The following DIS3L2 variants were observed in gnomAD, a reference collection of about 807,000 sequenced individuals.
DIS3L2 encodes DIS3-like exonuclease 2.
DIS3L2 carries 34 observed loss-of-function variants against 97.5 expected under a neutral mutation model. The observed-to-expected ratio is 0.35, with a 90% CI of 0.27 to 0.46. The LOEUF (loss-of-function observed/expected upper bound fraction) is 0.46. Among genes scored for constraint, DIS3L2 ranks in the 20% least tolerant of loss-of-function variants. The pLI, the probability that DIS3L2 is intolerant of heterozygous loss-of-function variation, is 1.00. For missense variants in DIS3L2, 1,038 were observed against 1,146.0 expected (o/e 0.91, Z 1.36); for synonymous variants, 435 against 445.2 (o/e 0.98, Z 0.29).
chr2:232,202,410 CAG>C (rs1691917901), intron 9 of DIS3L2, among the ~76,000 whole-genome samples: 1 of 151,926 alleles, frequency 6.6e-6, no homozygotes, highest in South Asian at 2.1e-4. Flanking sequence ...AACAAACAAA[CAG>C]AAAAAAAACA....
Position 232,336,618 on chromosome 2 carries a change from A to G in DIS3L2, c.2646A>G (p.Ser882=), listed in dbSNP as rs3811578. ...EEESDGEPED[S]STS Reference sequence around the variant, plus strand: ...AGTCTGACGGTGAGCCCGAGGACTCAAGCACCAGCTGAGCTCCACCAGCCG... The same window carrying G: ...AGTCTGACGGTGAGCCCGAGGACTCGAGCACCAGCTGAGCTCCACCAGCCG... The change falls in exon 21 of 21, where the codon TCA becomes TCG. Residue 882 remains serine (S), a synonymous_variant. Transcript: ENST00000325385. The G allele has an allele frequency of 0.1, 165,388 of 1,603,266 alleles. 13,081 individuals carry two copies. Among genetic ancestry groups the G allele is most frequent in the East Asian group, 0.48 (21,349 of 44,634 alleles).
At chr2:231,981,687 A>G (rs11886665) in intron 1 of DIS3L2, among the ~76,000 whole-genome samples, 15,823 of 145,578 alleles carry the variant, frequency 0.11, 1,101 homozygotes, top group African/African-American at 0.19. Context: ...ATAAGTTAAC[A>G]TATGTTTATT....
chr2:232,189,016 A>G (rs1018020372), intron 9 of DIS3L2, among the ~76,000 whole-genome samples: 10 of 152,242 alleles, frequency 6.6e-5, no homozygotes, highest in African/African-American at 2.4e-4. Context: ...CACAATATCA[A>G]TACACATCAA....
intron 13 of DIS3L2, among the ~76,000 whole-genome samples, chr2:232,278,308 C>T (rs1352671949): frequency 2.0e-5 from 3 of 152,064 alleles, no homozygotes; most frequent in Non-Finnish European, 4.4e-5. Context: ...GCTAAAAGCA[C>T]TTTTTTCCCT....
chr2:232,138,262 G>A (rs1698415429), intron 8 of DIS3L2, among the ~76,000 whole-genome samples: 1 of 152,002 alleles, frequency 6.6e-6, no homozygotes, highest in African/African-American at 2.4e-5. Context: ...ACAACAAAAA[G>A]GGAGTCAGGT....
intron 10 of DIS3L2, among the ~76,000 whole-genome samples, chr2:232,214,375 G>A (rs1482948207): frequency 2.0e-5 from 3 of 152,158 alleles, no homozygotes; most frequent in Non-Finnish European, 4.4e-5. Flanking sequence ...TCCCTGTAAT[G>A]ATCTGAAACA....
chr2:232,050,556 G>A (rs775357334), intron 5 of DIS3L2, among the ~76,000 whole-genome samples: 6 of 151,974 alleles, frequency 3.9e-5, no homozygotes, highest in African/African-American at 1.5e-4. Flanking sequence ...GATTACAGGC[G>A]TGAGCCACTG....
chr2:232,239,488 C>T (rs1443275617), intron 11 of DIS3L2, among the ~76,000 whole-genome samples: 2 of 152,228 alleles, frequency 1.3e-5, no homozygotes, highest in Non-Finnish European at 1.5e-5. Context: ...ATCCTCTGCT[C>T]ATTTGCTCAT....
intron 11 of DIS3L2, among the ~76,000 whole-genome samples, chr2:232,247,951 G>A (rs1294064485): frequency 6.6e-6 from 1 of 152,156 alleles, no homozygotes; most frequent in Non-Finnish European, 1.5e-5. Flanking sequence ...AGCGAAGGCT[G>A]GTAGGAAAAG....
intron 1 of DIS3L2, among the ~76,000 whole-genome samples, chr2:231,992,937 A>G (rs1008364738): frequency 6.6e-6 from 1 of 151,994 alleles, no homozygotes; most frequent in African/African-American, 2.4e-5. Flanking sequence ...TCAGAGTCTC[A>G]ATCCTAGGTC....
intron 5 of DIS3L2, among the ~76,000 whole-genome samples, chr2:232,071,418 A>C (rs975454312): frequency 6.6e-6 from 1 of 151,968 alleles, no homozygotes; most frequent in African/African-American, 2.4e-5. Flanking sequence ...GCTGTTCGGG[A>C]GGCTGAGGTG....
chr2:231,999,449 C>T (rs1178661421), intron 1 of DIS3L2, among the ~76,000 whole-genome samples: 2 of 152,154 alleles, frequency 1.3e-5, no homozygotes, highest in African/African-American at 2.4e-5. Flanking sequence ...TAGACGCATC[C>T]GTATTTCTCT....
chr2:232,038,655 C>T (rs1695020431), intron 5 of DIS3L2, among the ~76,000 whole-genome samples: 1 of 152,168 alleles, frequency 6.6e-6, no homozygotes, highest in Non-Finnish European at 1.5e-5. Context: ...GTCAGCACAG[C>T]CTTTCCTGTG....
intron 14 of DIS3L2, among the ~76,000 whole-genome samples, chr2:232,315,537 A>T: frequency 6.9e-6 from 1 of 145,372 alleles, no homozygotes; most frequent in African/African-American, 2.6e-5. Flanking sequence ...CTTCACTGCC[A>T]CTCCCAGCTC....
At chr2:232,024,152 A>G in intron 3 of DIS3L2, 125 bp from the exon 4 acceptor site, 1 of 622,862 alleles carries the variant, frequency 1.6e-6, no homozygotes. Context: ...AATATTTCTT[A>G]TACATCTAAC....
chr2:231,986,350 A>G (rs1693414680), intron 1 of DIS3L2, among the ~76,000 whole-genome samples: 1 of 152,214 alleles, frequency 6.6e-6, no homozygotes, highest in South Asian at 2.1e-4. Flanking sequence ...TGATTAGTAC[A>G]CATACCCACA....
intron 13 of DIS3L2, among the ~76,000 whole-genome samples, chr2:232,297,686 A>G (rs1694755793): frequency 1.4e-5 from 2 of 146,930 alleles, no homozygotes; most frequent in Admixed American, 7.0e-5. Flanking sequence ...CTGTTTAGGT[A>G]TGTTCCTTCC....
intron 5 of DIS3L2, among the ~76,000 whole-genome samples, chr2:232,052,423 G>A (rs902083639): frequency 6.6e-6 from 1 of 152,180 alleles, no homozygotes; most frequent in African/African-American, 2.4e-5. Flanking sequence ...CTCAAATACA[G>A]TAGTTTAACT....
rs1322469177 is a variant in DIS3L2, at chr2:232,268,397, G to A, written c.1659+4957G>A. Reference sequence around the variant, plus strand: ...CCAAGCTGCAGTGGAATGCTGTTATGTATGACCTTGACCTGTTCCAGCCTT... The same window carrying A: ...CCAAGCTGCAGTGGAATGCTGTTATATATGACCTTGACCTGTTCCAGCCTT... On this transcript the variant is annotated intron_variant, in intron 13 of 20. Coordinates refer to ENST00000325385, the MANE Select transcript of DIS3L2 (RefSeq NM_152383.5). The surrounding 1 kb of genome is among the most constrained non-coding windows in gnomAD (Gnocchi z 4.1). Among the ~76,000 whole-genome samples the A allele has an allele frequency of 1.3e-5, 2 of 152,202 alleles. No homozygotes were observed. Among genetic ancestry groups the A allele is most frequent in the South Asian group, 2.1e-4 (1 of 4,832 alleles).
Sources: gnomAD v4.1 joint callset for allele counts (sites outside exome capture counted in the v4.1 genomes callset) on GRCh38, gnomAD v4.1.1 for gene constraint, Gnocchi (gnomAD v3.1) non-coding constraint, MANE v1.5 for transcripts, NCBI Gene and HGNC (gene_info 2026-07-23, HGNC 2026-07-21) for gene names.